Variants in ZBTB7C observed in about 807,000 individuals in gnomAD.
ZBTB7C encodes the protein zinc finger and BTB domain-containing protein 7C.
A neutral mutation model predicts 25.7 loss-of-function variants in ZBTB7C; 8 were observed. The observed-to-expected ratio is 0.31, with a 90% CI of 0.18 to 0.56. ZBTB7C has a LOEUF of 0.56. ZBTB7C is among the 20% of genes least tolerant of loss of function. The pLI, the probability that ZBTB7C is intolerant of heterozygous loss-of-function variation, is 0.91. For missense variants in ZBTB7C, 824 were observed against 855.2 expected, an observed-to-expected ratio of 0.96 and a Z score of 0.46; for synonymous variants, 394 against 369.0, an observed-to-expected ratio of 1.07 and a Z score of -0.78.
chr18:48,050,081 TG>T (rs2036623162), intron 3 of ZBTB7C, among the ~76,000 whole-genome samples: 1 of 152,074 alleles, frequency 6.6e-6, no homozygotes, highest in South Asian at 2.1e-4. Context: ...TCTCCAGATG[TG>T]GGAATGAGGT....
At chr18:48,172,229 G>A (rs1255175754) in intron 3 of ZBTB7C, among the ~76,000 whole-genome samples, 1 of 152,228 alleles carries the variant, frequency 6.6e-6, no homozygotes, top group Non-Finnish European at 1.5e-5. Flanking sequence ...GACGCATTGA[G>A]GATGGATTTT....
chr18:48,109,986 C>A (rs2039176510), intron 3 of ZBTB7C, among the ~76,000 whole-genome samples: 1 of 152,106 alleles, frequency 6.6e-6, no homozygotes, highest in South Asian at 2.1e-4. Context: ...GAGACTGAGG[C>A]ATAGAGAGGT....
In ZBTB7C at chr18:48,080,934, T is replaced by G. The variant is rs139371058; in HGVS notation, c.-16-39811A>C. Among the ~76,000 whole-genome samples, 1,339 of 152,300 alleles carry G rather than the reference T, an allele frequency of 8.8e-3. 19 individuals carry two copies. The highest frequency in any genetic ancestry group is 0.029 in the African/African-American group (1,185 of 41,570). On this transcript the variant is annotated intron_variant, in intron 3 of 4. Transcript: ENST00000590800. ...CCTGCTTCTTTTCCCCACTTGAGAT[T>G]CGTGTATTCTTTCCTCACTCACCCC...
At chr18:48,211,984 G>C (rs1420652833) in intron 2 of ZBTB7C, among the ~76,000 whole-genome samples, 2 of 152,136 alleles carry the variant, frequency 1.3e-5, no homozygotes, top group Admixed American at 6.5e-5. Context: ...ATGGTACATA[G>C]AGACATGCTA....
chr18:48,400,400 G>A (rs1188850578), intron 1 of ZBTB7C, among the ~76,000 whole-genome samples: 2 of 152,214 alleles, frequency 1.3e-5, no homozygotes, highest in South Asian at 2.1e-4. Flanking sequence ...GCTACAAATG[G>A]GGAAACAGGC....
intron 3 of ZBTB7C, among the ~76,000 whole-genome samples, chr18:48,109,858 C>T (rs557596621): frequency 3.9e-5 from 6 of 152,294 alleles, no homozygotes; most frequent in Non-Finnish European, 8.8e-5. Context: ...TTAACAAGTG[C>T]ACCACTGCAG....
intron 1 of ZBTB7C, among the ~76,000 whole-genome samples, chr18:48,359,359 T>C (rs1171277948): frequency 6.6e-6 from 1 of 152,094 alleles, no homozygotes; most frequent in East Asian, 1.9e-4. Flanking sequence ...GATCAAAACA[T>C]GACTTTCAAA....
intron 1 of ZBTB7C, among the ~76,000 whole-genome samples, chr18:48,348,121 A>C (rs2046782546): frequency 6.6e-6 from 1 of 152,200 alleles, no homozygotes; most frequent in Admixed American, 6.5e-5. Flanking sequence ...TCATCACAAC[A>C]ACCCTGCCCT....
intron 3 of ZBTB7C, among the ~76,000 whole-genome samples, chr18:48,104,804 G>A (rs1452633964): frequency 1.3e-5 from 2 of 152,182 alleles, no homozygotes; most frequent in Admixed American, 6.5e-5. Flanking sequence ...CAGGACATGT[G>A]GGGGTACAAA....
intron 2 of ZBTB7C, among the ~76,000 whole-genome samples, chr18:48,292,059 G>A (rs975227986): frequency 3.3e-5 from 5 of 152,030 alleles, no homozygotes; most frequent in Admixed American, 1.3e-4. Flanking sequence ...TTAGCTGGGC[G>A]TGGTGGTGGG....
intron 3 of ZBTB7C, chr18:48,041,411 T>C: frequency 2.0e-6 from 2 of 985,480 alleles, no homozygotes; most frequent in Non-Finnish European, 2.4e-6. Flanking sequence ...TTGGTGTTAC[T>C]GATTTCCACT....
At chr18:48,281,376 T>C (rs1275536918) in intron 2 of ZBTB7C, among the ~76,000 whole-genome samples, 2 of 152,042 alleles carry the variant, frequency 1.3e-5, no homozygotes, top group Admixed American at 6.6e-5. Flanking sequence ...AACCTAGGCA[T>C]TACCATTCAG....
chr18:48,073,999 C>T (rs1219467104), intron 3 of ZBTB7C, among the ~76,000 whole-genome samples: 1 of 151,258 alleles, frequency 6.6e-6, no homozygotes, highest in Non-Finnish European at 1.5e-5. Context: ...ATGACTTTCT[C>T]GAAAAGAAAA....
chr18:48,379,954 G>T (rs990938203), intron 1 of ZBTB7C, among the ~76,000 whole-genome samples: 3 of 152,094 alleles, frequency 2.0e-5, no homozygotes, highest in Admixed American at 2.0e-4. Context: ...GCTATTTAGG[G>T]TCATGAAACT....
intron 3 of ZBTB7C, among the ~76,000 whole-genome samples, chr18:48,183,496 T>C (rs2041980195): frequency 6.6e-6 from 1 of 152,192 alleles, no homozygotes; most frequent in African/African-American, 2.4e-5. Context: ...TATTTTCAGT[T>C]AAAAAAACAG....
At chr18:48,102,771 T>G (rs1171620244) in intron 3 of ZBTB7C, among the ~76,000 whole-genome samples, 2 of 151,886 alleles carry the variant, frequency 1.3e-5, no homozygotes, top group African/African-American at 2.4e-5. Flanking sequence ...AGGTGGAGGA[T>G]GAAGGCAGGA....
chr18:48,130,602 A>G (rs1283617250), intron 3 of ZBTB7C, among the ~76,000 whole-genome samples: 1 of 152,128 alleles, frequency 6.6e-6, no homozygotes, highest in Non-Finnish European at 1.5e-5. Flanking sequence ...TTCAGAAACC[A>G]TCTACTTAAA....
chr18:48,134,721 G>A (rs536775833), intron 3 of ZBTB7C, among the ~76,000 whole-genome samples: 5 of 152,344 alleles, frequency 3.3e-5, no homozygotes, highest in South Asian at 2.1e-4. Context: ...TTCTCAGCCC[G>A]GCCAGCACTG....
intron 1 of ZBTB7C, among the ~76,000 whole-genome samples, chr18:48,393,271 C>T: frequency 7.9e-6 from 1 of 125,848 alleles, no homozygotes; most frequent in East Asian, 2.9e-4. Flanking sequence ...CCCTGCCATC[C>T]CACCAGGCCT....
Sources: gnomAD v4.1 joint callset for allele counts (sites outside exome capture counted in the v4.1 genomes callset) on GRCh38, gnomAD v4.1.1 for gene constraint, MANE v1.5 for transcripts, NCBI Gene and HGNC (gene_info 2026-07-23, HGNC 2026-07-21) for gene names.